RBFOX1: variants seen among roughly 807,000 people sequenced by gnomAD.
RBFOX1 encodes the protein RNA binding protein fox-1 homolog 1.
Under a neutral mutation model 57.7 loss-of-function variants are expected in RBFOX1, and 8 were observed. The observed-to-expected ratio is 0.14, with a 90% CI of 0.08 to 0.25. The LOEUF (loss-of-function observed/expected upper bound fraction) is 0.25, where lower values mean the gene tolerates loss of function less well. RBFOX1 is among the 10% of genes least tolerant of loss of function. The probability of loss-of-function intolerance (pLI) is 1.00; values close to 1 mark genes in which losing one functional copy is unlikely to be tolerated. For synonymous variants in RBFOX1, 326 were observed against 222.4 expected (o/e 1.47, Z -4.15); for missense variants, 611 against 548.5 (o/e 1.11, Z -1.14).
intron 4 of RBFOX1, among the ~76,000 whole-genome samples, chr16:7,269,877 A>G (rs944961036): frequency 1.3e-5 from 2 of 152,250 alleles, no homozygotes; most frequent in East Asian, 1.9e-4. Flanking sequence ...TCCCATAACC[A>G]TAGCGTATTA....
At chr16:7,367,701 C>G (rs1448069797) in intron 4 of RBFOX1, among the ~76,000 whole-genome samples, 1 of 152,138 alleles carries the variant, frequency 6.6e-6, no homozygotes, top group African/African-American at 2.4e-5. Flanking sequence ...TCTGTTCTAT[C>G]TAAAGGAGGC....
intron 14 of RBFOX1, among the ~76,000 whole-genome samples, chr16:7,707,639 A>C (rs1048846175): frequency 2.0e-5 from 3 of 152,120 alleles, no homozygotes; most frequent in Non-Finnish European, 4.4e-5. Flanking sequence ...AAATTGCCCC[A>C]TGTCAGAGGA....
At chr16:7,517,983 G>C (rs2076738903) in intron 4 of RBFOX1, among the ~76,000 whole-genome samples, 164 bp from the exon 5 acceptor site, 2 of 152,062 alleles carry the variant, frequency 1.3e-5, no homozygotes, top group African/African-American at 4.8e-5. Flanking sequence ...TCCTTATAGG[G>C]TCTGGTGAAG....
chr16:7,202,461 C>A (rs1228756081), intron 4 of RBFOX1, among the ~76,000 whole-genome samples: 1 of 152,124 alleles, frequency 6.6e-6, no homozygotes, highest in Non-Finnish European at 1.5e-5. Context: ...GATGATCCAA[C>A]AATTCTTATT....
At chr16:6,370,648 A>G (rs529904782) in intron 2 of RBFOX1, among the ~76,000 whole-genome samples, 1 of 152,288 alleles carries the variant, frequency 6.6e-6, no homozygotes, top group Admixed American at 6.5e-5. Flanking sequence ...ATTCATAGAG[A>G]CAAAGTAATA....
At chr16:7,013,845 A>T (rs1197007710) in intron 3 of RBFOX1, among the ~76,000 whole-genome samples, 1 of 152,072 alleles carries the variant, frequency 6.6e-6, no homozygotes, top group Admixed American at 6.6e-5. Flanking sequence ...ACTTGTAGAA[A>T]TGGGGTCTCA....
rs543714367 is a variant in RBFOX1, at chr16:7,044,999, C to T, written c.-15-7058C>T. Among the ~76,000 whole-genome samples, 12 of 152,228 alleles carry T rather than the reference C, an allele frequency of 7.9e-5. No homozygotes were observed. The East Asian group carries it at 1.2e-3, about 15-fold the overall frequency. On this transcript the variant is annotated intron_variant, in intron 3 of 15. Transcript: ENST00000550418. ...GCTGTTTGATGAGCAAGGTTGCAGC[C>T]GAAACACACAACTCATGATGGGATT... is the stretch of plus-strand genomic sequence containing the variant.
intron 2 of RBFOX1, among the ~76,000 whole-genome samples, chr16:6,473,174 C>T (rs988965310): frequency 6.6e-6 from 1 of 152,136 alleles, no homozygotes; most frequent in African/African-American, 2.4e-5. Flanking sequence ...AGCTCTTATC[C>T]TGAATCTTTG....
chr16:5,291,024 T>A (rs542166376), intron 1 of RBFOX1, among the ~76,000 whole-genome samples: 6 of 152,074 alleles, frequency 3.9e-5, no homozygotes, highest in Non-Finnish European at 5.9e-5. Context: ...TTCAAGAAGT[T>A]TGTGTGGCTG....
At chr16:5,922,294 A>T (rs1218054645) in intron 4 of RBFOX1, among the ~76,000 whole-genome samples, 2 of 152,174 alleles carry the variant, frequency 1.3e-5, no homozygotes, top group African/African-American at 4.8e-5. Flanking sequence ...CATCTCCAAC[A>T]CTGGGATCAC....
Position 7,160,193 on chromosome 16 carries a change from CTT to C in RBFOX1, c.27+108107_27+108108del, listed in dbSNP as rs778852717. ...TTTCCAAACTTCATATGACTTTTGA[CTT>C]TTTTTTTTTTTAATAAAGTACAGCA... On this transcript the variant is annotated intron_variant, in intron 4 of 15. Transcript: ENST00000550418. Among the ~76,000 whole-genome samples, 16 of 142,788 alleles carry C rather than the reference CTT, an allele frequency of 1.1e-4. No individual in the cohort carries two copies. In the South Asian group the frequency reaches 2.5e-3, roughly 22 times the overall value. 93.7% of individuals were successfully genotyped at this position (142,788 alleles called of 152,430 possible).
intron 1 of RBFOX1, among the ~76,000 whole-genome samples, chr16:6,209,373 A>T: frequency 1.4e-5 from 2 of 144,214 alleles, no homozygotes; most frequent in East Asian, 4.2e-4. Flanking sequence ...GCCCACCTTC[A>T]GAGAAACTTA....
At chr16:7,563,509 C>A (rs763261554) in intron 5 of RBFOX1, among the ~76,000 whole-genome samples, 9 of 152,058 alleles carry the variant, frequency 5.9e-5, no homozygotes, top group Non-Finnish European at 1.3e-4. Context: ...ACACTGTTGC[C>A]CAGGCTGGAG....
intron 3 of RBFOX1, among the ~76,000 whole-genome samples, chr16:6,800,062 T>TTGTCATGGTGTCAGTAAAC (rs1295703225): frequency 6.6e-6 from 1 of 152,154 alleles, no homozygotes; most frequent in Non-Finnish European, 1.5e-5. Flanking sequence ...CTTCTGGGCA[T>TTGTCATGGTGTCAGTAAAC]TGTCATGGTG....
At chr16:5,999,183 C>T (rs1011507398) in intron 4 of RBFOX1, among the ~76,000 whole-genome samples, 9 of 152,160 alleles carry the variant, frequency 5.9e-5, no homozygotes, top group African/African-American at 2.2e-4. Flanking sequence ...GCCCAGCCTC[C>T]TGCCAACACT....
chr16:6,475,838 A>C (rs1187364318), intron 2 of RBFOX1, among the ~76,000 whole-genome samples: 1 of 152,206 alleles, frequency 6.6e-6, no homozygotes, highest in Non-Finnish European at 1.5e-5. Flanking sequence ...TCAATAGGTC[A>C]TTACCATAAC....
At chr16:7,002,255 G>T (rs12934397) in intron 3 of RBFOX1, among the ~76,000 whole-genome samples, 1 of 152,166 alleles carries the variant, frequency 6.6e-6, no homozygotes, top group Non-Finnish European at 1.5e-5. Context: ...GGTGCATGAA[G>T]TTAATCTATC....
At chr16:6,388,193 C>T (rs1355604243) in intron 2 of RBFOX1, among the ~76,000 whole-genome samples, 1 of 151,910 alleles carries the variant, frequency 6.6e-6, no homozygotes, top group Non-Finnish European at 1.5e-5. Context: ...GTCTTGAACT[C>T]CTGACCTTGT....
rs1382843746 is a variant in RBFOX1 at position 6,676,154 on chromosome 16, A to ATG, written c.-16+21504_-16+21505insTG. ...CACACACACACGCGCACACACACAC[A>ATG]CACACACACACACACACACACACAC... On this transcript the variant is annotated intron_variant, in intron 3 of 15. Coordinates refer to ENST00000550418, the MANE Select transcript of RBFOX1 (RefSeq NM_018723.4). 1.0e-2 allele frequency among the ~76,000 whole-genome samples: 1,420 copies of ATG among 142,636 alleles called. 29 individuals carry two copies. Among genetic ancestry groups the ATG allele is most frequent in the African/African-American group, 0.04 (1,347 of 33,722 alleles). 93.6% of individuals were successfully genotyped at this position (142,636 alleles called of 152,430 possible).
Sources: gnomAD v4.1 joint callset for allele counts (sites outside exome capture counted in the v4.1 genomes callset) on GRCh38, gnomAD v4.1.1 for gene constraint, MANE v1.5 for transcripts, NCBI Gene and HGNC (gene_info 2026-07-23, HGNC 2026-07-21) for gene names.